Variants in RYK observed in about 807,000 individuals in gnomAD.
RYK encodes the protein inactive tyrosine-protein kinase RYK.
RYK carries 21 observed loss-of-function variants against 70.2 expected under a neutral mutation model. That is an observed-to-expected ratio of 0.30 (90% CI 0.21 to 0.43). The LOEUF (loss-of-function observed/expected upper bound fraction) is 0.43, where lower values mean the gene tolerates loss of function less well. Among genes scored for constraint, RYK ranks in the 20% least tolerant of loss-of-function variants. The pLI, the probability that RYK is intolerant of heterozygous loss-of-function variation, is 1.00. For missense variants in RYK, 604 were observed against 753.3 expected (o/e 0.80, Z 2.32); for synonymous variants, 267 against 278.0 (o/e 0.96, Z 0.39).
intron 9 of RYK, chr3:134,183,347 G>A (rs1357769533): frequency 9.3e-6 from 2 of 214,778 alleles, no homozygotes; most frequent in African/African-American, 4.6e-5. Flanking sequence ...AACACATAAG[G>A]CATATATACT....
At chr3:134,196,582 A>AACAC (rs57185535) in intron 6 of RYK, among the ~76,000 whole-genome samples, 4,909 of 128,404 alleles carry the variant, frequency 0.038, 116 homozygotes, top group Middle Eastern at 0.081. Flanking sequence ...TCTGAAACAA[A>AACAC]ACACACACAC....
At chr3:134,230,980 T>A (rs776597606) in intron 1 of RYK, among the ~76,000 whole-genome samples, 17 of 152,066 alleles carry the variant, frequency 1.1e-4, no homozygotes, top group Non-Finnish European at 1.8e-4. Flanking sequence ...GATCACCAAC[T>A]TCCATATTTA....
At position 134,209,690 on chromosome 3, in the gene RYK, C is replaced by A; in HGVS notation, c.589+5G>T. ...AAAACATATTTTGGTAAATAAATTC[C>A]TTACTTTTGTAGCACATTTTCCTTC... On this transcript the variant is annotated splice_donor_5th_base_variant and intron_variant, in intron 4 of 14. Transcript: ENST00000623711. The A allele has an allele frequency of 6.9e-7, 1 of 1,445,880 alleles. No individual in the cohort carries two copies. The highest frequency in any genetic ancestry group is 1.4e-5 in the South Asian group (1 of 69,082). The allele number at this position is 1,445,880 out of a possible 1,614,324, so 89.6% of individuals were successfully genotyped here.
intron 3 of RYK, among the ~76,000 whole-genome samples, 158 bp from the exon 4 acceptor site, chr3:134,209,987 G>A (rs1210909000): frequency 6.6e-6 from 1 of 152,146 alleles, no homozygotes; most frequent in Non-Finnish European, 1.5e-5. Context: ...AGTTTTTAGA[G>A]ATCTTCAGAC....
chr3:134,184,961 CAAA>C (rs34543975), intron 9 of RYK, among the ~76,000 whole-genome samples: 76 of 80,106 alleles, frequency 9.5e-4, no homozygotes, highest in African/African-American at 3.4e-3. Context: ...CCCATCTCTA[CAAA>C]AAAAAAAAAA....
intron 1 of RYK, among the ~76,000 whole-genome samples, chr3:134,238,533 GGTGGTTT>G: frequency 6.6e-6 from 1 of 152,142 alleles, no homozygotes; most frequent in African/African-American, 2.4e-5. Context: ...GGTCCTGATA[GGTGGTTT>G]AGAAATCAGC....
chr3:134,191,856 G>C lies in RYK; in HGVS notation c.1008C>G (p.Leu336=). ...CTTTGAGATAATAAATACCTTCTTG[G>C]AGTACATCTTTTAGAGTTATCCTCT... ...SRERITLKDV[L]QEGTFGRIFH... The change falls in exon 8 of 15, where the codon CTC becomes CTG. Residue 336 remains leucine (L), a synonymous_variant. Transcript: ENST00000623711. 2 of 1,607,046 alleles carry C rather than the reference G, an allele frequency of 1.2e-6. No individual in the cohort carries two copies. Among genetic ancestry groups the C allele is most frequent in the African/African-American group, 1.3e-5 (1 of 74,754 alleles).
At chr3:134,162,454 A>G (rs183857115) in intron 13 of RYK, among the ~76,000 whole-genome samples, 1 of 152,260 alleles carries the variant, frequency 6.6e-6, no homozygotes, top group Non-Finnish European at 1.5e-5. Context: ...CTTGAAGTCT[A>G]TGCTCTGGGA....
At chr3:134,192,967 T>C (rs2013692761) in intron 7 of RYK, among the ~76,000 whole-genome samples, 1 of 152,212 alleles carries the variant, frequency 6.6e-6, no homozygotes, top group Admixed American at 6.5e-5. Context: ...TCTTAGAAAA[T>C]TCTTGGCTAC....
chr3:134,213,393 C>T (rs1001852340), intron 2 of RYK, among the ~76,000 whole-genome samples: 1 of 152,168 alleles, frequency 6.6e-6, no homozygotes, highest in Non-Finnish European at 1.5e-5. Flanking sequence ...GTTAGCCTGG[C>T]ACAAGTCTCC....
At chr3:134,205,782 A>G (rs1241759134) in intron 5 of RYK, among the ~76,000 whole-genome samples, 1 of 152,144 alleles carries the variant, frequency 6.6e-6, no homozygotes, top group Non-Finnish European at 1.5e-5. Flanking sequence ...TTGCCATGCT[A>G]TGTTGGTATC....
intron 5 of RYK, among the ~76,000 whole-genome samples, chr3:134,204,591 C>CCACAGCCACACACACACACA (rs58130864): frequency 5.0e-4 from 71 of 140,780 alleles, no homozygotes; most frequent in East Asian, 1.5e-3. Context: ...ACAGCCACAG[C>CCACAGCCACACACACACACA]CACACACACA....
Position 134,177,993 on chromosome 3 carries a change from T to C in RYK, c.1253A>G (p.Asn418Ser), listed in dbSNP as rs781555616. Residue 418 changes from asparagine to serine, a missense_variant, in exon 11 of 15, where the codon AAT becomes AGT. Physicochemically the swap from Asn to Ser is conservative, Grantham distance 46. Coordinates refer to ENST00000623711, the MANE Select transcript of RYK (RefSeq NM_002958.4). Reference sequence around the variant, plus strand: ...GCACTGTCGTAAAAACAATTTAAGATTCCCCCAATTCATGTAAGGCAATAT... The same window carrying C: ...GCACTGTCGTAAAAACAATTTAAGACTCCCCCAATTCATGTAAGGCAATAT... ...MVILPYMNWG[N>S]LKLFLRQCKL... 7.4e-6 allele frequency: 12 copies of C among 1,612,630 alleles called. No homozygotes were observed. The highest frequency in any genetic ancestry group is 4.5e-5 in the East Asian group (2 of 44,818).
At position 134,247,702 on chromosome 3, in the gene RYK, C is replaced by CA. The variant is rs34233640; in HGVS notation, c.232+2720dup. ...GGGCAACAAGAGCGAAACTCCGTCT[C>CA]AAAAAAAAAAAAAAGCCTTTTGGTT... is the stretch of plus-strand genomic sequence containing the variant. On this transcript the variant is annotated intron_variant, in intron 1 of 14. Transcript: ENST00000623711. 8.9e-3 allele frequency among the ~76,000 whole-genome samples: 932 copies of CA among 104,702 alleles called. 24 individuals are homozygous for CA. The highest frequency in any genetic ancestry group is 0.069 in the East Asian group (311 of 4,518). The allele number at this position is 104,702 out of a possible 152,430, so 68.7% of individuals were successfully genotyped here.
At chr3:134,186,889 T>TA (rs66714746) in intron 9 of RYK, among the ~76,000 whole-genome samples, 21,744 of 149,184 alleles carry the variant, frequency 0.15, 1,901 homozygotes, top group East Asian at 0.47. Flanking sequence ...GGAGTTTCCT[T>TA]AAAAAAAAAA....
intron 1 of RYK, among the ~76,000 whole-genome samples, chr3:134,229,797 A>G (rs1004324389): frequency 1.3e-5 from 2 of 152,212 alleles, no homozygotes; most frequent in African/African-American, 2.4e-5. Context: ...CCCAATAAGC[A>G]TATGAAGAGG....
At chr3:134,216,318 A>C (rs1452786306) in intron 2 of RYK, among the ~76,000 whole-genome samples, 1 of 151,876 alleles carries the variant, frequency 6.6e-6, no homozygotes, top group Non-Finnish European at 1.5e-5. Flanking sequence ...TAGAAACCTC[A>C]CTCTGCAAAG....
chr3:134,192,746 G>A (rs1167183680), intron 7 of RYK, among the ~76,000 whole-genome samples: 1 of 152,122 alleles, frequency 6.6e-6, no homozygotes, highest in Non-Finnish European at 1.5e-5. Flanking sequence ...CAAAATTAGT[G>A]GACCTATGCA....
chr3:134,167,163 C>T (rs888632374), intron 13 of RYK, among the ~76,000 whole-genome samples: 70 of 152,024 alleles, frequency 4.6e-4, no homozygotes, highest in African/African-American at 1.6e-3. Flanking sequence ...AAATAATAAG[C>T]GCTCCATGCT....
Sources: allele counts gnomAD v4.1 joint callset (sites outside exome capture counted in the v4.1 genomes callset), GRCh38; gene constraint gnomAD v4.1.1; transcripts MANE v1.5; gene names NCBI Gene and HGNC (gene_info 2026-07-23, HGNC 2026-07-21).